RAB27A: variants seen among roughly 807,000 people sequenced by gnomAD.
The protein encoded by RAB27A is ras-related protein Rab-27A.
In RAB27A, 17 loss-of-function variants were observed where a neutral mutation model predicts 20.8. That is an observed-to-expected ratio of 0.82 (90% confidence interval 0.56 to 1.23). The LOEUF is 1.23. RAB27A is among the 50% of genes most tolerant of loss of function. The pLI is 0.00. For synonymous variants in RAB27A, 85 were observed against 92.8 expected (o/e 0.92, Z 0.48); for missense variants, 277 against 266.7 (o/e 1.04, Z -0.27).
At chr15:55,253,704 C>T (rs1196298955) in intron 2 of RAB27A, among the ~76,000 whole-genome samples, 1 of 150,356 alleles carries the variant, frequency 6.7e-6, no homozygotes, top group Non-Finnish European at 1.5e-5. Context: ...AATAAGCAGG[C>T]AAGAGGGTGA....
intron 2 of RAB27A, among the ~76,000 whole-genome samples, chr15:55,258,985 T>C (rs762761248): frequency 5.9e-5 from 9 of 151,992 alleles, no homozygotes; most frequent in Non-Finnish European, 1.0e-4. Flanking sequence ...CCACCATACC[T>C]GGCTAATTTT....
chr15:55,288,937 A>T (rs748548758), intron 1 of RAB27A: 1 of 152,272 alleles, frequency 6.6e-6, no homozygotes, highest in Non-Finnish European at 1.5e-5. Flanking sequence ...CAATTCCAAC[A>T]TCTGACTGAT....
Position 55,264,907 on chromosome 15 carries a change from G to A in RAB27A, c.-23+5258C>T, listed in dbSNP as rs146855171. On this transcript the variant is annotated intron_variant, in intron 2 of 6. Coordinates refer to ENST00000336787, the MANE Select transcript of RAB27A (RefSeq NM_183235.3). ...GCTCTAGAAGAGCAACAGTCTAATA[G>A]GTAAGCTGTTTGTGGAAATGCCCAA... 1.2e-4 allele frequency among the ~76,000 whole-genome samples: 19 copies of A among 152,302 alleles called. No homozygotes were observed. The East Asian group carries it at 3.1e-3, about 25-fold the overall frequency.
chr15:55,243,374 G>GC (rs1176829797), intron 2 of RAB27A, among the ~76,000 whole-genome samples: 2 of 151,924 alleles, frequency 1.3e-5, no homozygotes, highest in African/African-American at 4.8e-5. Flanking sequence ...ATTATTTTAG[G>GC]CCAGGTGCAG....
At chr15:55,234,677 T>C in intron 3 of RAB27A, 105 bp downstream of exon 3, 1 of 1,293,344 alleles carries the variant, frequency 7.7e-7, no homozygotes, top group Middle Eastern at 2.6e-4. Flanking sequence ...ACCTTTAATT[T>C]CAGATCCCAA....
At chr15:55,221,407 CAT>C (rs1176548457) in intron 6 of RAB27A, among the ~76,000 whole-genome samples, 1 of 152,184 alleles carries the variant, frequency 6.6e-6, no homozygotes, top group Non-Finnish European at 1.5e-5. Flanking sequence ...AACACTACAG[CAT>C]TCTCTGTGGT....
At chr15:55,269,592 C>T (rs984291862) in intron 2 of RAB27A, among the ~76,000 whole-genome samples, 3 of 151,964 alleles carry the variant, frequency 2.0e-5, no homozygotes, top group African/African-American at 7.3e-5. Flanking sequence ...ACTAAAAATA[C>T]AAAAATTAGC....
At chr15:55,239,539 G>A (rs1667766712) in intron 2 of RAB27A, among the ~76,000 whole-genome samples, 1 of 152,166 alleles carries the variant, frequency 6.6e-6, no homozygotes, top group Non-Finnish European at 1.5e-5. Flanking sequence ...TTGGGAGAAA[G>A]GAGCACTGGC....
chr15:55,271,665 A>C (rs1378861640), intron 1 of RAB27A, among the ~76,000 whole-genome samples: 1 of 152,244 alleles, frequency 6.6e-6, no homozygotes, highest in African/African-American at 2.4e-5. Context: ...TCTTGAAGAC[A>C]GGGGTTGTAT....
intron 2 of RAB27A, chr15:55,238,439 C>G (rs1018935586): frequency 1.3e-5 from 2 of 152,136 alleles, no homozygotes; most frequent in Non-Finnish European, 2.9e-5. Context: ...CCCAAATCTC[C>G]CAGATACCAA....
At position 55,312,888 on chromosome 15, in the gene RAB27A, T is replaced by G. The variant is rs530575134; in HGVS notation, c.-112+1151A>C. Among the ~76,000 whole-genome samples the G allele has an allele frequency of 2.0e-5, 3 of 152,278 alleles. No homozygotes were observed. In the East Asian group the frequency reaches 5.8e-4, roughly 29 times the overall value. ...ATGTGACATGCTCTAAGACAAAATA[T>G]GAGAAGATGTGATAATGTGCCACAA... On this transcript the variant is annotated intron_variant, in intron 2 of 5. Transcript: ENST00000563262.
chr15:55,205,449 T>A lies in RAB27A; in HGVS notation c.*58A>T. 2 of 1,523,422 alleles carry A rather than the reference T, an allele frequency of 1.3e-6. No homozygotes were observed. Among genetic ancestry groups the A allele is most frequent in the Non-Finnish European group, 1.8e-6 (2 of 1,097,980 alleles). The allele number at this position is 1,523,422 out of a possible 1,614,324, so 94.4% of individuals were successfully genotyped here. ...AATCTCTCACTGTGCCATGTATCAA[T>A]CATAGAGAAGATCCCAGGCATGGGC... On this transcript the variant is annotated 3_prime_UTR_variant, in exon 7 of 7. Coordinates refer to ENST00000336787, the MANE Select transcript of RAB27A (RefSeq NM_183235.3).
intron 2 of RAB27A, among the ~76,000 whole-genome samples, chr15:55,244,210 G>A (rs540602190): frequency 6.9e-4 from 105 of 152,172 alleles, no homozygotes; most frequent in African/African-American, 2.1e-3. Context: ...GCTACTCAGC[G>A]GGGTTGAGGC....
intron 3 of RAB27A, among the ~76,000 whole-genome samples, chr15:55,234,029 G>C (rs1307536649): frequency 3.3e-5 from 5 of 152,072 alleles, no homozygotes; most frequent in Non-Finnish European, 5.9e-5. Context: ...AAAAGCCAGG[G>C]ACCTTTCCCC....
chr15:55,277,594 C>T (rs1021624501), intron 1 of RAB27A, among the ~76,000 whole-genome samples: 1 of 152,176 alleles, frequency 6.6e-6, no homozygotes, highest in Non-Finnish European at 1.5e-5. Context: ...CCTGGGACAA[C>T]CCCTACCCCT....
At chr15:55,306,211 T>C (rs2054996326) in intron 2 of RAB27A, among the ~76,000 whole-genome samples, 1 of 152,220 alleles carries the variant, frequency 6.6e-6, no homozygotes, top group Admixed American at 6.5e-5. Context: ...ATTTCCAGAT[T>C]GGAAACAAGA....
chr15:55,262,469 G>A (rs1016288571), intron 2 of RAB27A, among the ~76,000 whole-genome samples: 2 of 151,028 alleles, frequency 1.3e-5, no homozygotes, highest in Non-Finnish European at 2.9e-5. Flanking sequence ...GTGAACCCGG[G>A]AGGCAGAGCT....
chr15:55,235,204 T>C (rs559288957), intron 2 of RAB27A, among the ~76,000 whole-genome samples: 3 of 152,230 alleles, frequency 2.0e-5, no homozygotes, highest in South Asian at 4.2e-4. Context: ...TCCCAGCACT[T>C]TGGGAGGCCA....
chr15:55,309,241 TAG>T (rs1267855574), intron 2 of RAB27A, among the ~76,000 whole-genome samples: 1 of 152,206 alleles, frequency 6.6e-6, no homozygotes, highest in African/African-American at 2.4e-5. Flanking sequence ...TTAGTTGCTT[TAG>T]AGTTTTGGGA....
Sources: gnomAD v4.1 joint callset for allele counts (sites outside exome capture counted in the v4.1 genomes callset) on GRCh38, gnomAD v4.1.1 for gene constraint, MANE v1.5 for transcripts, NCBI Gene and HGNC (gene_info 2026-07-23, HGNC 2026-07-21) for gene names.